The following ENTPD7 variants were observed in gnomAD, a reference collection of about 807,000 sequenced individuals.
ENTPD7 encodes ectonucleoside triphosphate diphosphohydrolase 7.
A neutral mutation model predicts 77.9 loss-of-function variants in ENTPD7; 53 were observed. The observed-to-expected ratio is 0.68, with a 90% CI of 0.55 to 0.85. The LOEUF (loss-of-function observed/expected upper bound fraction) is 0.85, where lower values mean the gene tolerates loss of function less well. Among genes scored for constraint, ENTPD7 ranks in the 40% least tolerant of loss-of-function variants. The probability of loss-of-function intolerance (pLI) is 0.00; values close to 1 mark genes in which losing one functional copy is unlikely to be tolerated. For missense variants in ENTPD7, 636 were observed against 743.7 expected (o/e 0.86, Z 1.68); for synonymous variants, 248 against 274.9 (o/e 0.90, Z 0.97).
rs544927520 is a variant in ENTPD7 at position 99,708,039 on chromosome 10, C to T, written c.*3356C>T. ...AGTACCTAACAGATAGTTCTTTAAT[C>T]CATGCCCTCCTCTCTCCCTCCCTGC... On this transcript the variant is annotated 3_prime_UTR_variant, in exon 13 of 13. Transcript: ENST00000370489. Among the ~76,000 whole-genome samples the T allele has an allele frequency of 2.0e-5, 3 of 152,214 alleles. No individual in the cohort carries two copies. Among genetic ancestry groups the T allele is most frequent in the East Asian group, 3.9e-4 (2 of 5,180 alleles).
rs1286958548 is a variant in ENTPD7, at chr10:99,679,261, G to T, written c.192G>T (p.Arg64Ser). The change falls in exon 4 of 13, where the codon AGG becomes AGT. Residue 64 changes from arginine (R) to serine (S), a missense_variant and splice_region_variant. Transcript: ENST00000370489. The stretch of plus-strand genomic sequence containing the variant: ...TGATTTCTCTTTTTGCCTGACTTAG[G>T]TATTTGGCTCGAGTAGGGGAGCTTG... Reference protein sequence around the residue: ...ASLPRDRQYERYLARVGELEA... With the variant: ...ASLPRDRQYESYLARVGELEA... 6.2e-7 allele frequency: 1 copy of T among 1,613,878 alleles called. No homozygotes were observed. The highest frequency in any genetic ancestry group is 1.3e-5 in the African/African-American group (1 of 74,912).
intron 11 of ENTPD7, among the ~76,000 whole-genome samples, chr10:99,701,374 G>A (rs189837074): frequency 4.0e-5 from 6 of 150,990 alleles, no homozygotes; most frequent in South Asian, 4.2e-4. Flanking sequence ...TGCAACCTCC[G>A]CCTCCTGGGT....
rs148560914 is a variant in ENTPD7 at position 99,667,590 on chromosome 10, C to T, written c.191+5962C>T. On this transcript the variant is annotated intron_variant, in intron 3 of 12. Transcript: ENST00000370489. ...TCACTAAGTTCATGTGCTAAAAGCA[C>T]CTGTACTTTACTGATAAGATAGGCT... Among the ~76,000 whole-genome samples the T allele has an allele frequency of 4.0e-3, 607 of 152,276 alleles. 5 individuals carry two copies. Among genetic ancestry groups the T allele is most frequent in the African/African-American group, 0.014 (577 of 41,554 alleles).
At chr10:99,683,350 T>G (rs778924530) in intron 5 of ENTPD7, among the ~76,000 whole-genome samples, 5 of 152,200 alleles carry the variant, frequency 3.3e-5, no homozygotes, top group Non-Finnish European at 7.3e-5. Context: ...TTTATTAGCA[T>G]TTGGTTTTAT....
chr10:99,660,409 AT>A, intron 2 of ENTPD7: 1 of 1,133,972 alleles, frequency 8.8e-7, no homozygotes, highest in Non-Finnish European at 1.1e-6. Context: ...CTTTTAAAAA[AT>A]ATTAATGTGG....
At position 99,704,613 on chromosome 10, in the gene ENTPD7, C is replaced by G; in HGVS notation, c.1745C>G (p.Ala582Gly). The G allele has an allele frequency of 6.2e-7, 1 of 1,614,190 alleles. No individual in the cohort carries two copies. The highest frequency in any genetic ancestry group is 1.1e-5 in the South Asian group (1 of 91,080). ...CGAATTCACCACCGACAAACACGAG[C>G]CTCAGCTCCATTGGACTTGCTGTGG... is the stretch of plus-strand genomic sequence containing the variant. Reference protein sequence around the residue: ...LRRIHHRQTRASAPLDLLWLE... With the variant: ...LRRIHHRQTRGSAPLDLLWLE... The change falls in exon 13 of 13, where the codon GCC becomes GGC. Residue 582 changes from alanine (A) to glycine (G), a missense_variant. By Grantham distance (60) the Ala-to-Gly change is moderately conservative. Transcript: ENST00000370489.
intron 5 of ENTPD7, among the ~76,000 whole-genome samples, chr10:99,680,260 G>C (rs891804300): frequency 6.6e-6 from 1 of 152,160 alleles, no homozygotes; most frequent in African/African-American, 2.4e-5. Flanking sequence ...ATAACTGGGG[G>C]AGTCCCTCTT....
At chr10:99,690,296 T>G (rs968819701) in intron 7 of ENTPD7, among the ~76,000 whole-genome samples, 3 of 152,196 alleles carry the variant, frequency 2.0e-5, no homozygotes, top group African/African-American at 7.2e-5. Context: ...ATACCACAGG[T>G]GGTCATTACT....
At chr10:99,678,536 GT>G (rs1225809766) in intron 3 of ENTPD7, among the ~76,000 whole-genome samples, 1 of 151,604 alleles carries the variant, frequency 6.6e-6, no homozygotes, top group Non-Finnish European at 1.5e-5. Flanking sequence ...AATAATTATT[GT>G]TTTTATGAAT....
intron 5 of ENTPD7, among the ~76,000 whole-genome samples, chr10:99,681,571 C>T (rs930791559): frequency 2.0e-5 from 3 of 152,120 alleles, no homozygotes; most frequent in African/African-American, 4.8e-5. Flanking sequence ...CGTGAGCCAC[C>T]GTACCCGGCC....
intron 8 of ENTPD7, 117 bp from the exon 9 acceptor site, chr10:99,695,839 C>A: frequency 1.1e-6 from 1 of 929,016 alleles, no homozygotes; most frequent in Non-Finnish European, 1.6e-6. Context: ...TGAAAGAATG[C>A]TTAAGATGTT....
intron 9 of ENTPD7, 121 bp downstream of exon 9, chr10:99,696,243 C>A (rs2035975378): frequency 3.3e-6 from 4 of 1,200,420 alleles, no homozygotes; most frequent in African/African-American, 3.1e-5. Context: ...TCTGACTACC[C>A]CTGCCAATGG....
rs1280164764 is a variant in ENTPD7, at chr10:99,659,934, G to T, written c.-23G>T. On this transcript the variant is annotated 5_prime_UTR_variant, in exon 2 of 13. Transcript: ENST00000370489. This position sits in a 1 kb window ranked among gnomAD's most constrained non-coding sequence, Gnocchi z 4.1. ...GCAAAAGAAAAAGAAGGTGACAGGC[G>T]TTGAGACCACCGAAGGGAACCCATG... The T allele has an allele frequency of 6.2e-7, 1 of 1,613,942 alleles. No homozygotes were observed. The highest frequency in any genetic ancestry group is 1.1e-5 in the South Asian group (1 of 91,076).
At chr10:99,696,389 A>G (rs1021741336) in intron 9 of ENTPD7, among the ~76,000 whole-genome samples, 5 of 152,212 alleles carry the variant, frequency 3.3e-5, no homozygotes, top group African/African-American at 1.2e-4. Context: ...ACCTAACATC[A>G]TGGGAAAAGG....
intron 8 of ENTPD7, among the ~76,000 whole-genome samples, chr10:99,692,526 T>C (rs1352359685): frequency 3.7e-5 from 3 of 80,896 alleles, no homozygotes; most frequent in Non-Finnish European, 7.6e-5. Flanking sequence ...TGGATGAGAG[T>C]AGGCTTTTTT....
chr10:99,667,929 C>CTTTTTTTTTTTTT (rs61543336), intron 3 of ENTPD7, among the ~76,000 whole-genome samples: 3 of 85,546 alleles, frequency 3.5e-5, no homozygotes, highest in African/African-American at 4.7e-5. Flanking sequence ...AAATGATAAT[C>CTTTTTTTTTTTTT]TTTTTTTTTT....
chr10:99,699,824 C>A (rs528160692), intron 10 of ENTPD7, among the ~76,000 whole-genome samples: 1 of 152,128 alleles, frequency 6.6e-6, no homozygotes, highest in Non-Finnish European at 1.5e-5. Context: ...CCTTGGCCCC[C>A]CAAAGTGCTG....
chr10:99,674,634 C>T (rs2035658028), intron 3 of ENTPD7, among the ~76,000 whole-genome samples: 1 of 152,194 alleles, frequency 6.6e-6, no homozygotes. Context: ...AGGATTTCCT[C>T]CTTTTTAAGG....
In ENTPD7 at chr10:99,659,932, G is replaced by C; in HGVS notation, c.-25G>C. 2.5e-6 allele frequency: 4 copies of C among 1,614,002 alleles called. No individual in the cohort carries two copies. Among genetic ancestry groups the C allele is most frequent in the Non-Finnish European group, 3.4e-6 (4 of 1,179,974 alleles). On this transcript the variant is annotated 5_prime_UTR_variant, in exon 2 of 13. Transcript: ENST00000370489. This position sits in a 1 kb window ranked among gnomAD's most constrained non-coding sequence, Gnocchi z 4.1. Reference sequence around the variant, plus strand: ...GGGCAAAAGAAAAAGAAGGTGACAGGCGTTGAGACCACCGAAGGGAACCCA... The same window carrying C: ...GGGCAAAAGAAAAAGAAGGTGACAGCCGTTGAGACCACCGAAGGGAACCCA...
Sources: gnomAD v4.1 joint callset for allele counts (sites outside exome capture counted in the v4.1 genomes callset) on GRCh38, gnomAD v4.1.1 for gene constraint, Gnocchi (gnomAD v3.1) non-coding constraint, MANE v1.5 for transcripts, NCBI Gene and HGNC (gene_info 2026-07-23, HGNC 2026-07-21) for gene names.